CRAT: variants seen among roughly 807,000 people sequenced by gnomAD.
CRAT encodes carnitine acetylase.
CRAT carries 66 observed loss-of-function variants against 73.7 expected under a neutral mutation model. That is an observed-to-expected ratio of 0.90 (90% CI 0.73 to 1.10). CRAT has a LOEUF of 1.10. Ranked by LOEUF, CRAT falls within the 50% of genes least tolerant of loss-of-function variation. The pLI, the probability that CRAT is intolerant of heterozygous loss-of-function variation, is 0.00. For missense variants in CRAT, 745 were observed against 846.9 expected (o/e 0.88, Z 1.49); for synonymous variants, 321 against 343.2 (o/e 0.94, Z 0.71).
At position 129,106,988 on chromosome 9, in the gene CRAT, C is replaced by T. The variant is rs555636133; in HGVS notation, c.291+826G>A. Among the ~76,000 whole-genome samples, 1 of 152,186 alleles carries T rather than the reference C, an allele frequency of 6.6e-6. No individual in the cohort carries two copies. Among genetic ancestry groups the T allele is most frequent in the Non-Finnish European group, 1.5e-5 (1 of 67,986 alleles). ...GCTCCTTGGGGGTGATGTCACCCCT[C>T]CCCCTCGCCTCTGGCTTCCACTCTG... On this transcript the variant is annotated intron_variant, in intron 2 of 13. Transcript: ENST00000318080. The surrounding 1 kb of genome is among the most constrained non-coding windows in gnomAD (Gnocchi z 4.0).
At position 129,099,754 on chromosome 9, in the gene CRAT, C is replaced by A. The variant is rs1175207722; in HGVS notation, c.1085+112G>T. On this transcript the variant is annotated intron_variant, in intron 8 of 13. Transcript: ENST00000318080. ...TCTGGCTGGCTTCCTTGGAAAAAAA[C>A]AGATTCCCAGGCACAAAGGAGAGTG... is the stretch of plus-strand genomic sequence containing the variant. 12 of 821,198 alleles carry A rather than the reference C, an allele frequency of 1.5e-5. No homozygotes were observed. The African/African-American group carries it at 1.5e-4, about 10-fold the overall frequency. The allele number at this position is 821,198 out of a possible 1,614,324, so 50.9% of individuals were successfully genotyped here. A position where few individuals can be genotyped will look rare whatever the true frequency, so the allele number is the denominator to read the frequency against.
At chr9:129,099,142 CTTTT>C (rs58079634) in intron 8 of CRAT, among the ~76,000 whole-genome samples, 2 of 130,362 alleles carry the variant, frequency 1.5e-5, no homozygotes, top group African/African-American at 2.8e-5. Context: ...GCGTGGCTAA[CTTTT>C]TTTTTTTTTT....
chr9:129,109,449 T>C (rs1848242021), intron 1 of CRAT, among the ~76,000 whole-genome samples: 1 of 152,140 alleles, frequency 6.6e-6, no homozygotes. Context: ...TCAGCTAGGG[T>C]CCAAGAGCGG....
At chr9:129,095,736 G>T in intron 13 of CRAT, 124 bp from the exon 14 acceptor site, 3 of 1,050,690 alleles carry the variant, frequency 2.9e-6, no homozygotes, top group Non-Finnish European at 4.1e-6. Flanking sequence ...TCTGTCCCCT[G>T]CTATATCCCA....
chr9:129,102,619 G>T, intron 4 of CRAT, 54 bp from the exon 5 acceptor site: 1 of 1,598,344 alleles, frequency 6.3e-7, no homozygotes, highest in Non-Finnish European at 8.6e-7. Flanking sequence ...TGGGGAGGAG[G>T]GCAGGGTAGA....
chr9:129,096,213 CGCCACCCTTCGCAG>C, intron 12 of CRAT, 78 bp from the exon 13 acceptor site: 2 of 1,563,798 alleles, frequency 1.3e-6, no homozygotes, highest in Non-Finnish European at 1.7e-6. Context: ...CCTGTGGCAG[CGCCACCCTTCGCAG>C]GCACTGGCCA....
intron 4 of CRAT, 151 bp from the exon 5 acceptor site, chr9:129,102,716 G>T: frequency 1.1e-6 from 1 of 949,992 alleles, no homozygotes; most frequent in Non-Finnish European, 1.6e-6. Context: ...GCTGTGCTGT[G>T]GGCAGGGGGC....
chr9:129,095,349 C>G lies in CRAT; in HGVS notation c.*48G>C. 1.3e-6 allele frequency: 2 copies of G among 1,589,704 alleles called. No individual in the cohort carries two copies. The highest frequency in any genetic ancestry group is 1.7e-6 in the Non-Finnish European group (2 of 1,169,092). The stretch of plus-strand genomic sequence containing the variant: ...AGCTGAGCCCTGGTGGGTGGCCCAT[C>G]CCAGGGTGGGCTTGGCTGTGGCATT... On this transcript the variant is annotated 3_prime_UTR_variant, in exon 14 of 14. Coordinates refer to ENST00000318080, the MANE Select transcript of CRAT (RefSeq NM_000755.5).
chr9:129,100,904 C>A (rs1847633890), intron 6 of CRAT, among the ~76,000 whole-genome samples: 1 of 152,214 alleles, frequency 6.6e-6, no homozygotes, highest in South Asian at 2.1e-4. Context: ...TGCAGGCCCA[C>A]AGCACTCCTC....
At chr9:129,101,231 C>T (rs879650035) in intron 6 of CRAT, among the ~76,000 whole-genome samples, 8 of 152,344 alleles carry the variant, frequency 5.3e-5, no homozygotes, top group East Asian at 3.9e-4. Flanking sequence ...GAGGATGCAG[C>T]GGGAAACATG....
At chr9:129,108,164 C>T in intron 1 of CRAT, 87 bp from the exon 2 acceptor site, 1 of 1,452,442 alleles carries the variant, frequency 6.9e-7, no homozygotes, top group Non-Finnish European at 9.0e-7. Context: ...CACTTAAGTG[C>T]CCATCCCTGG....
At position 129,106,583 on chromosome 9, in the gene CRAT, G is replaced by A. The variant is rs977576716; in HGVS notation, c.291+1231C>T. Among the ~76,000 whole-genome samples the A allele has an allele frequency of 1.3e-5, 2 of 152,010 alleles. No individual in the cohort carries two copies. The highest frequency in any genetic ancestry group is 4.1e-4 in the South Asian group (2 of 4,826). ...AAGGAGTCCCAGGCTAAATGAAGTC[G>A]GAAAACCACCAGCCCCCAGACGCTC... On this transcript the variant is annotated intron_variant, in intron 2 of 13. Coordinates refer to ENST00000318080, the MANE Select transcript of CRAT (RefSeq NM_000755.5). This position sits in a 1 kb window ranked among gnomAD's most constrained non-coding sequence, Gnocchi z 4.0.
At position 129,098,575 on chromosome 9, in the gene CRAT, G is replaced by A. The variant is rs138566538; in HGVS notation, c.1161C>T (p.Pro387=). ...MPKKLRFNIT[P]EIKSDIEKAK... Reference sequence around the variant, plus strand: ...CCTTCTCGATGTCGCTCTTGATCTCGGGGGTGATGTTGAACCGCAGCTTCT... The same window carrying A: ...CCTTCTCGATGTCGCTCTTGATCTCAGGGGTGATGTTGAACCGCAGCTTCT... Residue 387 remains proline, a synonymous_variant, in exon 9 of 14, where the codon CCC becomes CCT. Coordinates refer to ENST00000318080, the MANE Select transcript of CRAT (RefSeq NM_000755.5). The A allele has an allele frequency of 9.4e-6, 15 of 1,600,730 alleles. No homozygotes were observed. The highest frequency in any genetic ancestry group is 1.7e-4 in the Middle Eastern group (1 of 5,980).
At chr9:129,108,280 G>A (rs1033795826) in intron 1 of CRAT, 11 of 993,646 alleles carry the variant, frequency 1.1e-5, no homozygotes, top group African/African-American at 1.6e-5. Context: ...GGATGGGGGA[G>A]GGTGGGGTGT....
In CRAT at chr9:129,100,638, A is replaced by G; in HGVS notation, c.857T>C (p.Val286Ala). The G allele has an allele frequency of 6.2e-7, 1 of 1,614,052 alleles. No homozygotes were observed. The highest frequency in any genetic ancestry group is 8.5e-7 in the Non-Finnish European group (1 of 1,179,974). Residue 286 changes from valine to alanine, a missense_variant, in exon 7 of 14, where the codon GTG becomes GCG. Coordinates refer to ENST00000318080, the MANE Select transcript of CRAT (RefSeq NM_000755.5). ...VRSIQKSIFT[V>A]CLDATMPRVS... is the part of the protein sequence containing the mutation. ...CCTGGGCATGGTTGCATCTAGGCAC[A>G]CGGTGAAGATGCTCTTCTGGATGGA...
chr9:129,096,377 G>C (rs961653528), intron 12 of CRAT, among the ~76,000 whole-genome samples: 8 of 152,274 alleles, frequency 5.3e-5, no homozygotes, highest in African/African-American at 1.7e-4. Flanking sequence ...CCTGGAGCTG[G>C]GTGACCTAGC....
chr9:129,096,175 AC>A, intron 12 of CRAT, 40 bp from the exon 13 acceptor site: 1 of 1,608,028 alleles, frequency 6.2e-7, no homozygotes. Flanking sequence ...GGGGCTGTGG[AC>A]CCCCGGGGTA....
chr9:129,100,678 G>C lies in CRAT; in HGVS notation c.817C>G (p.Arg273Gly), dbSNP rs141122671. The C allele has an allele frequency of 6.2e-7, 1 of 1,613,356 alleles. No homozygotes were observed. The highest frequency in any genetic ancestry group is 8.5e-7 in the Non-Finnish European group (1 of 1,179,552). ...YNTLIKDKVN[R>G]DSVRSIQKSI... ...TTCTGGATGGAGCGCACGGAATCCC[G>C]GTTCACCTTGTCTGCAGGTGGCATG... Residue 273 changes from arginine (R) to glycine (G), a missense_variant, in exon 7 of 14, where the codon CGG becomes GGG. Physicochemically the swap from Arg to Gly is moderately radical, Grantham distance 125. Transcript: ENST00000318080.
At chr9:129,097,148 CAA>C in intron 12 of CRAT, 100 bp downstream of exon 12, 1 of 1,041,466 alleles carries the variant, frequency 9.6e-7, no homozygotes, top group Non-Finnish European at 1.4e-6. Flanking sequence ...GTGGTCCTAG[CAA>C]AGGGTTGGCA....
Sources: gnomAD v4.1 joint callset for allele counts (sites outside exome capture counted in the v4.1 genomes callset) on GRCh38, gnomAD v4.1.1 for gene constraint, Gnocchi (gnomAD v3.1) non-coding constraint, MANE v1.5 for transcripts, NCBI Gene and HGNC (gene_info 2026-07-23, HGNC 2026-07-21) for gene names.